USP43: variants seen among roughly 807,000 people sequenced by gnomAD.
USP43 encodes ubiquitin carboxyl-terminal hydrolase 43.
Under a neutral mutation model 90.7 loss-of-function variants are expected in USP43, and 33 were observed. The observed-to-expected ratio is 0.36, with a 90% confidence interval of 0.28 to 0.49. The LOEUF (loss-of-function observed/expected upper bound fraction) is 0.49, where lower values mean the gene tolerates loss of function less well. USP43 is among the 20% of genes least tolerant of loss of function. USP43 has a pLI of 0.98. For missense variants in USP43, 1,274 were observed against 1,476.4 expected (o/e 0.86, Z 2.25); for synonymous variants, 598 against 615.8 (o/e 0.97, Z 0.43).
At chr17:9,650,714 G>A (rs942623029) in intron 1 of USP43, among the ~76,000 whole-genome samples, 4 of 152,056 alleles carry the variant, frequency 2.6e-5, no homozygotes, top group Non-Finnish European at 5.9e-5. Flanking sequence ...TTTTTGTGGT[G>A]AGAACATTTA....
chr17:9,684,274 T>A (rs985601575), intron 7 of USP43, among the ~76,000 whole-genome samples: 4 of 152,174 alleles, frequency 2.6e-5, no homozygotes, highest in African/African-American at 9.7e-5. Flanking sequence ...TAAATATATT[T>A]AAAAATTTAA....
chr17:9,729,110 A>AT lies in USP43; in HGVS notation c.*133dup, dbSNP rs367655692. On this transcript the variant is annotated 3_prime_UTR_variant, in exon 15 of 15. Coordinates refer to ENST00000285199, the MANE Select transcript of USP43 (RefSeq NM_153210.5). ...GTTGTCTTGTAATCTCTAAAAAAAA[A>AT]TTTTTTTTTTTTTGTGGTGGGGGGT... is the stretch of plus-strand genomic sequence containing the variant. 69,626 of 783,476 alleles carry AT rather than the reference A, an allele frequency of 0.089. 6 individuals carry two copies. Among genetic ancestry groups the AT allele is most frequent in the East Asian group, 0.099 (2,388 of 24,230 alleles). 48.5% of individuals were successfully genotyped at this position (783,476 alleles called of 1,614,324 possible).
intron 4 of USP43, 63 bp from the exon 5 acceptor site, chr17:9,676,683 T>C (rs1913802349): frequency 6.4e-7 from 1 of 1,555,134 alleles, no homozygotes. Context: ...TGATCCATTA[T>C]CAACAATGTC....
chr17:9,665,473 C>T (rs775603722), intron 2 of USP43, among the ~76,000 whole-genome samples: 14 of 152,050 alleles, frequency 9.2e-5, no homozygotes, highest in Non-Finnish European at 1.5e-5. Context: ...GGGGGAAGCA[C>T]CCCTTATAAA....
Position 9,645,674 on chromosome 17 carries a change from C to T in USP43, c.42C>T (p.Leu14=), listed in dbSNP as rs1911325177. The change falls in exon 1 of 15, where the codon CTC becomes CTT. Residue 14 remains leucine, a synonymous_variant. Transcript: ENST00000285199. This position sits in a 1 kb window ranked among gnomAD's most constrained non-coding sequence, Gnocchi z 6.8. ...GPGDAAGGGP[L]APRPRRRRSL... is the part of the protein sequence containing the mutation. ...GGGACGCGGCAGGAGGGGGACCGCT[C>T]GCGCCCCGGCCCCGCCGCCGCCGCT... 3.1e-6 allele frequency: 4 copies of T among 1,276,296 alleles called. No individual in the cohort carries two copies. The highest frequency in any genetic ancestry group is 4.2e-5 in the Admixed American group (1 of 23,706). The allele number at this position is 1,276,296 out of a possible 1,614,324, so 79.1% of individuals were successfully genotyped here. A position where few individuals can be genotyped will look rare whatever the true frequency, so the allele number is the denominator to read the frequency against.
chr17:9,698,178 G>C (rs926651811), intron 9 of USP43, among the ~76,000 whole-genome samples: 1 of 152,074 alleles, frequency 6.6e-6, no homozygotes, highest in African/African-American at 2.4e-5. Context: ...CTTTTTAATA[G>C]GATTATTTGT....
chr17:9,651,255 A>T (rs1567644699), intron 1 of USP43, among the ~76,000 whole-genome samples: 2 of 151,634 alleles, frequency 1.3e-5, no homozygotes, highest in Non-Finnish European at 2.9e-5. Flanking sequence ...GCAGTGGTGC[A>T]ATCTTGGCTC....
intron 1 of USP43, among the ~76,000 whole-genome samples, 159 bp downstream of exon 1, chr17:9,646,295 T>C (rs1246924093): frequency 6.6e-6 from 1 of 152,264 alleles, no homozygotes; most frequent in African/African-American, 2.4e-5. Flanking sequence ...TGTGTTACGC[T>C]GTCGCTTGCT....
intron 8 of USP43, among the ~76,000 whole-genome samples, chr17:9,689,742 A>T (rs1914816924): frequency 6.6e-6 from 1 of 152,018 alleles, no homozygotes; most frequent in Non-Finnish European, 1.5e-5. Context: ...TATTTTGTAA[A>T]CGGGGGTGTG....
Position 9,700,183 on chromosome 17 carries a change from TCAGGAGGC to T in USP43, c.1479_1486del (p.Gly494SerfsTer11). ...TGTTCTCTTCTCAGGGTTTTGCATC[TCAGGAGGC>T]CAGGAGGCCCTCCACATGTCAAGCT... On this transcript the variant is annotated frameshift_variant, in exon 10 of 15. Coordinates refer to ENST00000285199, the MANE Select transcript of USP43 (RefSeq NM_153210.5). LOFTEE classifies it high-confidence loss of function. 1.9e-6 allele frequency: 3 copies of T among 1,605,216 alleles called. No individual in the cohort carries two copies. The highest frequency in any genetic ancestry group is 2.2e-5 in the East Asian group (1 of 44,634).
At position 9,682,721 on chromosome 17, in the gene USP43, A is replaced by T. The variant is rs1191942204; in HGVS notation, c.1106-102A>T. ...CTCTAGTGGCCCCCCATTGGTGGTT[A>T]ATAGATGCTCAAAGAGAAAGAGGGA... On this transcript the variant is annotated intron_variant, in intron 6 of 14. Transcript: ENST00000285199. 8.9e-6 allele frequency: 13 copies of T among 1,453,148 alleles called. No individual in the cohort carries two copies. The Admixed American group carries it at 2.7e-4, about 30-fold the overall frequency. 90.0% of individuals were successfully genotyped at this position (1,453,148 alleles called of 1,614,324 possible).
At chr17:9,721,529 T>C (rs781182388) in intron 14 of USP43, among the ~76,000 whole-genome samples, 4 of 152,152 alleles carry the variant, frequency 2.6e-5, no homozygotes, top group Non-Finnish European at 4.4e-5. Context: ...AAGTACATGA[T>C]TACTATTTTG....
chr17:9,699,211 C>T (rs1367046661), intron 9 of USP43, among the ~76,000 whole-genome samples: 2 of 152,184 alleles, frequency 1.3e-5, no homozygotes, highest in Non-Finnish European at 2.9e-5. Flanking sequence ...GGTGCTTCTC[C>T]TCCTTTGGAA....
At chr17:9,662,147 G>T (rs978208100) in intron 2 of USP43, among the ~76,000 whole-genome samples, 1 of 152,126 alleles carries the variant, frequency 6.6e-6, no homozygotes, top group Admixed American at 6.6e-5. Flanking sequence ...TCTCAGTGTG[G>T]CTTGCTTGGG....
intron 12 of USP43, among the ~76,000 whole-genome samples, chr17:9,706,164 C>A (rs750808159): frequency 1.3e-5 from 2 of 152,292 alleles, no homozygotes; most frequent in African/African-American, 2.4e-5. Flanking sequence ...CTATCCATAT[C>A]CTTGACTGTT....
At position 9,674,863 on chromosome 17, in the gene USP43, C is replaced by A; in HGVS notation, c.741-28C>A. 6.3e-7 allele frequency: 1 copy of A among 1,590,132 alleles called. No individual in the cohort carries two copies. Among genetic ancestry groups the A allele is most frequent in the Non-Finnish European group, 8.6e-7 (1 of 1,158,562 alleles). On this transcript the variant is annotated intron_variant, in intron 3 of 14. Transcript: ENST00000285199. The surrounding 1 kb of genome is among the most constrained non-coding windows in gnomAD (Gnocchi z 4.4). Reference sequence around the variant, plus strand: ...CCCAAATTGTTTACGTGTGATTAAACGTTCGCCTCTGTTCTTCACCCTCAC... The same window carrying A: ...CCCAAATTGTTTACGTGTGATTAAAAGTTCGCCTCTGTTCTTCACCCTCAC...
chr17:9,683,105 A>G, intron 7 of USP43, 147 bp downstream of exon 7: 2 of 1,118,166 alleles, frequency 1.8e-6, no homozygotes, highest in Non-Finnish European at 2.5e-6. Flanking sequence ...TAAGAGGATT[A>G]GAAATATCTG....
intron 9 of USP43, among the ~76,000 whole-genome samples, chr17:9,694,953 T>A (rs1915171379): frequency 6.6e-6 from 1 of 152,174 alleles, no homozygotes; most frequent in African/African-American, 2.4e-5. Flanking sequence ...AGTGTTGGTC[T>A]GCAGTGGTTT....
chr17:9,651,799 A>G (rs1450731944), intron 1 of USP43, among the ~76,000 whole-genome samples: 1 of 152,222 alleles, frequency 6.6e-6, no homozygotes. Context: ...GTTCTGGACA[A>G]AATAGTAAGA....
Sources: gnomAD v4.1 joint callset for allele counts (sites outside exome capture counted in the v4.1 genomes callset) on GRCh38, gnomAD v4.1.1 for gene constraint, Gnocchi (gnomAD v3.1) non-coding constraint, MANE v1.5 for transcripts, NCBI Gene and HGNC (gene_info 2026-07-23, HGNC 2026-07-21) for gene names.